MKX: variants seen among roughly 807,000 people sequenced by gnomAD.
The protein encoded by MKX is homeobox protein Mohawk.
Under a neutral mutation model 36.0 loss-of-function variants are expected in MKX, and 13 were observed. The ratio of observed to expected loss-of-function variants is 0.36; its 90% CI spans 0.24 to 0.57. The LOEUF is 0.57. MKX is among the 20% of genes least tolerant of loss of function. MKX has a pLI of 0.79. For synonymous variants in MKX, 176 were observed against 178.3 expected (o/e 0.99, Z 0.10); for missense variants, 458 against 456.4 (o/e 1.00, Z -0.03).
At chr10:27,735,482 TA>T in intron 3 of MKX, 108 bp from the exon 4 acceptor site, 2 of 813,910 alleles carry the variant, frequency 2.5e-6, no homozygotes, top group Admixed American at 3.1e-5. Context: ...GATCATTAAA[TA>T]TTCTCAGGAC....
chr10:27,729,895 T>C (rs1834586310), intron 5 of MKX, among the ~76,000 whole-genome samples: 3 of 152,152 alleles, frequency 2.0e-5, no homozygotes, highest in African/African-American at 7.2e-5. Context: ...ATCTGAGCCC[T>C]GGTTCAACAG....
chr10:27,694,527 A>AATAT (rs1554770422), intron 5 of MKX, among the ~76,000 whole-genome samples: 30 of 114,296 alleles, frequency 2.6e-4, no homozygotes, highest in African/African-American at 5.0e-4. Context: ...AAAAAAAAAA[A>AATAT]ATATATATAT....
At chr10:27,703,104 A>G (rs1442473262) in intron 5 of MKX, among the ~76,000 whole-genome samples, 1 of 152,194 alleles carries the variant, frequency 6.6e-6, no homozygotes, top group African/African-American at 2.4e-5. Flanking sequence ...AGAAAATGGA[A>G]TTACAAAAAG....
intron 5 of MKX, among the ~76,000 whole-genome samples, chr10:27,697,382 C>A (rs146746318): frequency 1.3e-5 from 2 of 152,248 alleles, no homozygotes; most frequent in Non-Finnish European, 2.9e-5. Context: ...GGCCAGGACA[C>A]CTTAATACAA....
At chr10:27,689,192 AC>A (rs1564346500) in intron 5 of MKX, among the ~76,000 whole-genome samples, 1 of 152,328 alleles carries the variant, frequency 6.6e-6, no homozygotes, top group East Asian at 1.9e-4. Flanking sequence ...ACTGATTAAC[AC>A]CAGAAATGAC....
chr10:27,736,615 G>C (rs2132645108), intron 3 of MKX, among the ~76,000 whole-genome samples: 1 of 151,806 alleles, frequency 6.6e-6, no homozygotes, highest in East Asian at 1.9e-4. Flanking sequence ...GGTTTGTGTG[G>C]CAATGTTTGC....
intron 5 of MKX, among the ~76,000 whole-genome samples, chr10:27,678,803 C>T (rs1836201044): frequency 6.6e-6 from 1 of 152,168 alleles, no homozygotes; most frequent in Non-Finnish European, 1.5e-5. Context: ...ACTCCTTGAA[C>T]TTGTTCCACT....
Position 27,675,065 on chromosome 10 carries a change from A to G in MKX, c.*164T>C, listed in dbSNP as rs141422890. ...TTTTGATTAAAATGAGTTTTTTATA[A>G]TTTATATGTCTTTTATAGAAGCAAC... On this transcript the variant is annotated 3_prime_UTR_variant, in exon 7 of 7. Coordinates refer to ENST00000419761, the MANE Select transcript of MKX (RefSeq NM_173576.3). 1.6e-3 allele frequency: 889 copies of G among 559,436 alleles called. 5 individuals carry two copies. Among genetic ancestry groups the G allele is most frequent in the African/African-American group, 0.011 (566 of 52,656 alleles). 34.7% of individuals were successfully genotyped at this position (559,436 alleles called of 1,614,324 possible).
At chr10:27,734,332 G>T in intron 5 of MKX, 124 bp downstream of exon 5, 1 of 862,418 alleles carries the variant, frequency 1.2e-6, no homozygotes, top group Non-Finnish European at 1.7e-6. Context: ...CTTTAAAACT[G>T]AATTATGGGC....
intron 3 of MKX, among the ~76,000 whole-genome samples, chr10:27,735,640 G>C (rs1185110058): frequency 6.6e-6 from 1 of 152,176 alleles, no homozygotes; most frequent in Admixed American, 6.5e-5. Context: ...AGTCCAGTAA[G>C]AGAAGTAGGA....
At chr10:27,695,231 G>A (rs1836532965) in intron 5 of MKX, among the ~76,000 whole-genome samples, 1 of 152,044 alleles carries the variant, frequency 6.6e-6, no homozygotes, top group African/African-American at 2.4e-5. Flanking sequence ...CGAACCCAAG[G>A]GAGCAGAAGA....
At chr10:27,715,485 G>A (rs1219104496) in intron 5 of MKX, among the ~76,000 whole-genome samples, 1 of 152,174 alleles carries the variant, frequency 6.6e-6, no homozygotes, top group East Asian at 1.9e-4. Flanking sequence ...TCTAGAATGA[G>A]GAAAGGATTA....
intron 5 of MKX, among the ~76,000 whole-genome samples, chr10:27,697,280 G>A (rs1002066454): frequency 6.6e-6 from 1 of 152,232 alleles, no homozygotes; most frequent in Non-Finnish European, 1.5e-5. Flanking sequence ...ATTCAAATGA[G>A]AACAAAATTA....
At chr10:27,740,646 C>T (rs1834872927) in intron 3 of MKX, among the ~76,000 whole-genome samples, 1 of 152,188 alleles carries the variant, frequency 6.6e-6, no homozygotes, top group African/African-American at 2.4e-5. Context: ...TGCACCATTT[C>T]TCTACACTTG....
At chr10:27,731,516 A>G (rs761981471) in intron 5 of MKX, among the ~76,000 whole-genome samples, 1 of 152,164 alleles carries the variant, frequency 6.6e-6, no homozygotes, top group Non-Finnish European at 1.5e-5. Context: ...AACCTAGCAG[A>G]TCAGTCTTAG....
intron 5 of MKX, among the ~76,000 whole-genome samples, chr10:27,726,162 A>G (rs1834484334): frequency 6.6e-6 from 1 of 152,192 alleles, no homozygotes; most frequent in Admixed American, 6.5e-5. Context: ...AAATACAGAG[A>G]ATGCCTTTGT....
chr10:27,739,648 G>T (rs1834851945), intron 3 of MKX, among the ~76,000 whole-genome samples: 1 of 152,026 alleles, frequency 6.6e-6, no homozygotes. Context: ...AAGTTTAAAT[G>T]GCTCTCCTAA....
chr10:27,703,774 C>T lies in MKX; in HGVS notation c.839-28220G>A, dbSNP rs188676117. Among the ~76,000 whole-genome samples the T allele has an allele frequency of 8.7e-3, 1,322 of 152,070 alleles. 9 individuals carry two copies. The highest frequency in any genetic ancestry group is 0.015 in the Non-Finnish European group (1,041 of 67,958). ...AATTATCCAGGCATGGTGGCGTGCACCTATAATCCCAACTACTCAGGAGGC... is the reference window on the plus strand; with the variant it reads ...AATTATCCAGGCATGGTGGCGTGCATCTATAATCCCAACTACTCAGGAGGC... On this transcript the variant is annotated intron_variant, in intron 5 of 6. Coordinates refer to ENST00000419761, the MANE Select transcript of MKX (RefSeq NM_173576.3).
At chr10:27,733,613 T>G (rs1204024549) in intron 5 of MKX, among the ~76,000 whole-genome samples, 4 of 152,318 alleles carry the variant, frequency 2.6e-5, no homozygotes, top group Middle Eastern at 6.8e-3. Flanking sequence ...TGAGGTTATT[T>G]CCAGCTCTAA....
Sources: allele counts gnomAD v4.1 joint callset (sites outside exome capture counted in the v4.1 genomes callset), GRCh38; gene constraint gnomAD v4.1.1; transcripts MANE v1.5; gene names NCBI Gene and HGNC (gene_info 2026-07-23, HGNC 2026-07-21).